GTPBP6: variants seen among roughly 807,000 people sequenced by gnomAD.
The protein encoded by GTPBP6 is putative GTP-binding protein 6.
A neutral mutation model predicts 28.9 loss-of-function variants in GTPBP6; 33 were observed. That is an observed-to-expected ratio of 1.14 (90% CI 0.87 to 1.53). The LOEUF is 1.53. GTPBP6 is among the 40% of genes most tolerant of loss of function. GTPBP6 has a pLI of 0.00. For missense variants in GTPBP6, 507 were observed against 408.3 expected (o/e 1.24, Z -2.08); for synonymous variants, 231 against 192.7 (o/e 1.20, Z -1.65).
intron 6 of GTPBP6, 67 bp from the exon 7 acceptor site, chrX:311,694 G>T: frequency 7.5e-7 from 1 of 1,332,004 alleles, no homozygotes; most frequent in Non-Finnish European, 1.1e-6. Context: ...GCCGCAGCCA[G>T]GCCCTCCAAA....
chrX:312,912 A>C, exon 6 of GTPBP6: 2 of 1,612,220 alleles, frequency 1.2e-6, no homozygotes, highest in East Asian at 2.2e-5. Flanking sequence ...CTGCAGCTGC[A>C]TGAAGGATTC....
chrX:308,732 CTTTTTTTTT>C (rs1164566238), intron 7 of GTPBP6, among the ~76,000 whole-genome samples: 2 of 109,488 alleles, frequency 1.8e-5, no homozygotes, highest in African/African-American at 6.9e-5. Flanking sequence ...GAAAGTTTTA[CTTTTTTTTT>C]TTTTTTTTTT....
At chrX:308,261 G>A (rs769584269) in intron 7 of GTPBP6, among the ~76,000 whole-genome samples, 1 of 152,094 alleles carries the variant, frequency 6.6e-6, no homozygotes, top group South Asian at 2.1e-4. Flanking sequence ...CTCTTTAAAG[G>A]ATGCTTTTTT....
chrX:310,444 CT>C (rs2070262492), intron 7 of GTPBP6, among the ~76,000 whole-genome samples: 1 of 129,156 alleles, frequency 7.7e-6, no homozygotes, highest in Admixed American at 7.3e-5. Context: ...GTGAACTGAA[CT>C]GTGGCCCCCC....
At chrX:316,590 G>A (rs1169276572) in intron 2 of GTPBP6, among the ~76,000 whole-genome samples, 1 of 152,220 alleles carries the variant, frequency 6.6e-6, no homozygotes, top group Non-Finnish European at 1.5e-5. Context: ...CCCAGGAGGA[G>A]GATTTGGCTG....
At chrX:312,736 G>T (rs774546370) in intron 6 of GTPBP6, 30 bp downstream of exon 6, 1 of 1,589,762 alleles carries the variant, frequency 6.3e-7, no homozygotes, top group South Asian at 1.2e-5. Flanking sequence ...CGGAGACCGC[G>T]GAAGGCCCCT....
chrX:312,751 T>C lies in GTPBP6; in HGVS notation c.916+15A>G, dbSNP rs2070336924. 1 of 1,593,978 alleles carries C rather than the reference T, an allele frequency of 6.3e-7. No individual in the cohort carries two copies. The highest frequency in any genetic ancestry group is 8.5e-7 in the Non-Finnish European group (1 of 1,172,188). On this transcript the variant is annotated intron_variant, in intron 6 of 9. Transcript: ENST00000326153. ...CGGAGACCGCGGAAGGCCCCTCCCCTGGGCGCGTGCTCACCGCAGTTGGTG... is the reference window on the plus strand; with the variant it reads ...CGGAGACCGCGGAAGGCCCCTCCCCCGGGCGCGTGCTCACCGCAGTTGGTG...
intron 5 of GTPBP6, among the ~76,000 whole-genome samples, chrX:313,459 G>C (rs376311073): frequency 8.2e-5 from 12 of 146,528 alleles, no homozygotes; most frequent in East Asian, 6.4e-4. Flanking sequence ...GAAGGACCCT[G>C]CCCTAGAGCC....
chrX:305,165 A>T, exon 10 of GTPBP6: 2 of 1,613,588 alleles, frequency 1.2e-6, no homozygotes, highest in East Asian at 2.2e-5. Flanking sequence ...GATCACGTCC[A>T]CCTCCTGAAC....
intron 7 of GTPBP6, among the ~76,000 whole-genome samples, chrX:309,596 G>A (rs2070242628): frequency 6.6e-6 from 1 of 152,190 alleles, no homozygotes; most frequent in South Asian, 2.1e-4. Flanking sequence ...AATGACAGGT[G>A]TCCTAGGAGA....
intron 2 of GTPBP6, among the ~76,000 whole-genome samples, chrX:315,813 G>GACAC (rs1170984270): frequency 0.24 from 264 of 1,108 alleles, 123 homozygotes; most frequent in South Asian, 1. Context: ...TACACACGCA[G>GACAC]ACACACACAC....
At chrX:305,027 C>T in exon 10 of GTPBP6, 4 of 1,603,566 alleles carry the variant, frequency 2.5e-6, no homozygotes, top group Non-Finnish European at 3.4e-6. Flanking sequence ...CGCCTCAGCT[C>T]CCCAGGCAGC....
chrX:314,439 C>T (rs1166945007), intron 4 of GTPBP6, among the ~76,000 whole-genome samples: 17 of 151,264 alleles, frequency 1.1e-4, no homozygotes, highest in Admixed American at 2.0e-4. Flanking sequence ...GTGGGGGCAA[C>T]GGGCCCCGGA....
intron 7 of GTPBP6, among the ~76,000 whole-genome samples, 155 bp from the exon 8 acceptor site, chrX:308,035 G>A (rs1426706294): frequency 1.3e-5 from 2 of 151,946 alleles, no homozygotes; most frequent in East Asian, 1.9e-4. Context: ...ACCCCAGGAC[G>A]GGGGCTCCTA....
chrX:311,183 A>G (rs866606793), intron 7 of GTPBP6, among the ~76,000 whole-genome samples: 1 of 59,462 alleles, frequency 1.7e-5, no homozygotes, highest in African/African-American at 9.1e-5. Context: ...TCCGGCCCCG[A>G]GTTGGGTGGG....
chrX:314,728 G>C (rs1325461038), intron 4 of GTPBP6, among the ~76,000 whole-genome samples, 162 bp downstream of exon 4: 3 of 151,744 alleles, frequency 2.0e-5, no homozygotes, highest in Admixed American at 1.3e-4. Context: ...CGCCCACCTC[G>C]GCCTCCCAAA....
chrX:317,121 G>T (rs1240995905), intron 1 of GTPBP6, 70 bp from the exon 2 acceptor site: 2 of 397,344 alleles, frequency 5.0e-6, no homozygotes, highest in Non-Finnish European at 4.4e-6. Flanking sequence ...TGCCCGGGGA[G>T]GCCTCCTCCT....
At chrX:315,500 G>T (rs1212163833) in intron 2 of GTPBP6, among the ~76,000 whole-genome samples, 6 of 125,392 alleles carry the variant, frequency 4.8e-5, no homozygotes, top group Non-Finnish European at 8.7e-5. Flanking sequence ...CAAAGACATA[G>T]ACATGCATAC....
At chrX:313,038 G>T in intron 5 of GTPBP6, 114 bp from the exon 6 acceptor site, 1 of 851,382 alleles carries the variant, frequency 1.2e-6, no homozygotes, top group Non-Finnish European at 1.8e-6. Flanking sequence ...CCAGCATCTG[G>T]GGGCCCGGCT....
Sources: allele counts gnomAD v4.1 joint callset (sites outside exome capture counted in the v4.1 genomes callset), GRCh38; gene constraint gnomAD v4.1.1; transcripts MANE v1.5; gene names NCBI Gene and HGNC (gene_info 2026-07-23, HGNC 2026-07-21).